SGCZ: variants seen among roughly 807,000 people sequenced by gnomAD.
The protein encoded by SGCZ is zeta-sarcoglycan.
Under a neutral mutation model 41.3 loss-of-function variants are expected in SGCZ, and 40 were observed. The observed-to-expected ratio is 0.97, with a 90% CI of 0.75 to 1.26. SGCZ has a LOEUF of 1.26. Ranked by LOEUF, SGCZ falls within the 50% of genes most tolerant of loss-of-function variation. The pLI is 0.00. For missense variants in SGCZ, 552 were observed against 369.8 expected, an observed-to-expected ratio of 1.49 and a Z score of -4.04; for synonymous variants, 206 against 137.5, an observed-to-expected ratio of 1.50 and a Z score of -3.49.
intron 1 of SGCZ, among the ~76,000 whole-genome samples, chr8:15,187,750 A>G (rs112349852): frequency 6.6e-6 from 1 of 152,166 alleles, no homozygotes; most frequent in Non-Finnish European, 1.5e-5. Context: ...AGGTTTTTTA[A>G]AAAATAAGCT....
chr8:14,154,292 C>A (rs889229191), intron 5 of SGCZ, among the ~76,000 whole-genome samples: 1 of 152,050 alleles, frequency 6.6e-6, no homozygotes, highest in Non-Finnish European at 1.5e-5. Context: ...TGGCATGAAC[C>A]CAGGAGGCAG....
At chr8:14,781,352 C>T (rs933816462) in intron 1 of SGCZ, among the ~76,000 whole-genome samples, 2 of 152,042 alleles carry the variant, frequency 1.3e-5, no homozygotes, top group African/African-American at 4.8e-5. Context: ...TCTCTGCCTC[C>T]GGAGGAGCTG....
chr8:15,076,371 G>C (rs573512807), intron 1 of SGCZ, among the ~76,000 whole-genome samples: 4 of 152,210 alleles, frequency 2.6e-5, no homozygotes, highest in East Asian at 3.9e-4. Flanking sequence ...AGCAAGAGAA[G>C]GATGGGAGAG....
At chr8:14,577,119 A>G (rs1435267602) in intron 1 of SGCZ, among the ~76,000 whole-genome samples, 2 of 152,212 alleles carry the variant, frequency 1.3e-5, no homozygotes, top group African/African-American at 2.4e-5. Flanking sequence ...AAACACCTAT[A>G]AACCATATTA....
intron 3 of SGCZ, among the ~76,000 whole-genome samples, chr8:14,313,031 C>A (rs1404610249): frequency 6.6e-6 from 1 of 152,132 alleles, no homozygotes; most frequent in Non-Finnish European, 1.5e-5. Context: ...GCTTGACAGA[C>A]CTGGACTTGC....
Position 15,122,120 on chromosome 8 carries a change from A to AC in SGCZ, c.39+115464dup, listed in dbSNP as rs1395157744. ...GAGGTTTGATAAAATAATTCCAGAC[A>AC]CCCCCCCACCCCTCCAACTCTATCA... On this transcript the variant is annotated intron_variant, in intron 1 of 7. Transcript: ENST00000382080. 9.0e-4 allele frequency among the ~76,000 whole-genome samples: 136 copies of AC among 150,800 alleles called. 1 individual carries two copies. Among genetic ancestry groups the AC allele is most frequent in the Non-Finnish European group, 1.0e-3 (69 of 67,686 alleles).
chr8:14,983,198 T>C (rs1801726286), intron 1 of SGCZ, among the ~76,000 whole-genome samples: 2 of 151,614 alleles, frequency 1.3e-5, no homozygotes, highest in African/African-American at 4.9e-5. Flanking sequence ...TTTTCTTTTT[T>C]TTTTTGAGAC....
intron 1 of SGCZ, among the ~76,000 whole-genome samples, chr8:14,668,803 AAATTT>A (rs1807997423): frequency 6.6e-6 from 1 of 152,170 alleles, no homozygotes; most frequent in Admixed American, 6.5e-5. Context: ...TATTTTTAAA[AAATTT>A]GACAAACATA....
At chr8:15,022,621 C>T (rs1000204261) in intron 1 of SGCZ, among the ~76,000 whole-genome samples, 7 of 152,130 alleles carry the variant, frequency 4.6e-5, no homozygotes, top group South Asian at 2.1e-4. Context: ...GGATCACAGG[C>T]GTGAACCATC....
chr8:14,539,398 G>A lies in SGCZ; in HGVS notation c.234+15334C>T, dbSNP rs573402716. On this transcript the variant is annotated intron_variant, in intron 2 of 7. Transcript: ENST00000382080. ...CATGTAAATGTCCTCAATAAAATTA[G>A]GGAACTCAGGGGTCAGGGAAGGCTA... Among the ~76,000 whole-genome samples the A allele has an allele frequency of 1.1e-3, 169 of 151,940 alleles. 1 individual carries two copies. Among genetic ancestry groups the A allele is most frequent in the African/African-American group, 3.4e-3 (140 of 41,466 alleles).
intron 2 of SGCZ, among the ~76,000 whole-genome samples, chr8:14,544,493 G>C (rs1385156867): frequency 6.6e-6 from 1 of 152,084 alleles, no homozygotes; most frequent in African/African-American, 2.4e-5. Context: ...GTGCAAGTAG[G>C]AGAGATATTG....
intron 3 of SGCZ, among the ~76,000 whole-genome samples, chr8:14,290,431 T>A (rs1270999639): frequency 2.6e-5 from 4 of 152,016 alleles, no homozygotes; most frequent in Non-Finnish European, 5.9e-5. Context: ...ATTTGACAAC[T>A]GCACATCTTA....
intron 1 of SGCZ, among the ~76,000 whole-genome samples, chr8:14,924,400 C>T (rs1799682553): frequency 6.6e-6 from 1 of 152,018 alleles, no homozygotes; most frequent in South Asian, 2.1e-4. Flanking sequence ...GATGAAAGCA[C>T]CTAATAAGAT....
intron 1 of SGCZ, among the ~76,000 whole-genome samples, chr8:14,893,143 G>T (rs1009344390): frequency 5.9e-5 from 9 of 152,096 alleles, no homozygotes; most frequent in Non-Finnish European, 8.8e-5. Context: ...CCAATCACAT[G>T]GGTCCTGAGA....
At chr8:14,165,815 A>T (rs1288818384) in intron 4 of SGCZ, among the ~76,000 whole-genome samples, 2 of 152,072 alleles carry the variant, frequency 1.3e-5, no homozygotes, top group Admixed American at 6.6e-5. Context: ...AACATCCTTA[A>T]ATTGGGAGAT....
intron 1 of SGCZ, among the ~76,000 whole-genome samples, chr8:15,135,648 T>C (rs1449631904): frequency 1.3e-5 from 2 of 152,194 alleles, no homozygotes; most frequent in Non-Finnish European, 2.9e-5. Context: ...CTCTGTATTT[T>C]GATTAAGGTA....
chr8:15,185,453 T>A (rs556118744), intron 1 of SGCZ, among the ~76,000 whole-genome samples: 1 of 152,222 alleles, frequency 6.6e-6, no homozygotes, highest in African/African-American at 2.4e-5. Context: ...CTGCAAGATA[T>A]CTAGTTTGAC....
chr8:14,492,163 A>G (rs1284810524), intron 2 of SGCZ, among the ~76,000 whole-genome samples: 1 of 152,210 alleles, frequency 6.6e-6, no homozygotes, highest in Non-Finnish European at 1.5e-5. Flanking sequence ...GATAAGATTT[A>G]TGATGAAATT....
At chr8:14,149,687 A>T (rs1444755306) in intron 5 of SGCZ, among the ~76,000 whole-genome samples, 1 of 150,608 alleles carries the variant, frequency 6.6e-6, no homozygotes, top group Non-Finnish European at 1.5e-5. Context: ...CCTAAACTTT[A>T]TATGAAACCA....
Sources: gnomAD v4.1 joint callset for allele counts (sites outside exome capture counted in the v4.1 genomes callset) on GRCh38, gnomAD v4.1.1 for gene constraint, MANE v1.5 for transcripts, NCBI Gene and HGNC (gene_info 2026-07-23, HGNC 2026-07-21) for gene names.